Variants in LRRC4C observed in about 807,000 individuals in gnomAD.
LRRC4C encodes the protein leucine-rich repeat-containing protein 4C.
A neutral mutation model predicts 33.6 loss-of-function variants in LRRC4C; 5 were observed. That is an observed-to-expected ratio of 0.15 (90% confidence interval 0.08 to 0.31). The LOEUF is 0.31. Ranked by LOEUF, LRRC4C falls within the 10% of genes least tolerant of loss-of-function variation. The pLI is 1.00. For synonymous variants in LRRC4C, 329 were observed against 302.0 expected (o/e 1.09, Z -0.93); for missense variants, 560 against 796.7 (o/e 0.70, Z 3.58).
chr11:40,499,670 T>A (rs1954645359), intron 3 of LRRC4C, among the ~76,000 whole-genome samples: 1 of 152,208 alleles, frequency 6.6e-6, no homozygotes, highest in Admixed American at 6.5e-5. Flanking sequence ...ACTGAGATGA[T>A]AATCTCTAAA....
At chr11:40,325,579 G>A (rs562126864) in intron 3 of LRRC4C, among the ~76,000 whole-genome samples, 1 of 151,856 alleles carries the variant, frequency 6.6e-6, no homozygotes, top group South Asian at 2.1e-4. Context: ...AGTAAGCTTT[G>A]ATGATGCCAC....
intron 1 of LRRC4C, among the ~76,000 whole-genome samples, chr11:41,107,886 G>A (rs907416848): frequency 3.9e-5 from 6 of 152,106 alleles, no homozygotes; most frequent in African/African-American, 1.2e-4. Context: ...GCTGTGAGCC[G>A]AGATTGCACC....
intron 3 of LRRC4C, among the ~76,000 whole-genome samples, chr11:40,568,172 A>G (rs1464901832): frequency 1.3e-5 from 2 of 152,220 alleles, no homozygotes; most frequent in Admixed American, 1.3e-4. Flanking sequence ...TTTGCTAGCA[A>G]TGCTCTTGCT....
intron 3 of LRRC4C, among the ~76,000 whole-genome samples, chr11:40,546,801 G>C (rs1485736376): frequency 6.6e-6 from 1 of 152,050 alleles, no homozygotes; most frequent in Admixed American, 6.6e-5. Flanking sequence ...GATACTGTTA[G>C]CACCATTTTA....
intron 3 of LRRC4C, among the ~76,000 whole-genome samples, chr11:40,323,506 C>T (rs1021276392): frequency 5.9e-5 from 9 of 152,198 alleles, no homozygotes; most frequent in Middle Eastern, 6.8e-3. Flanking sequence ...CATTGCCAGC[C>T]GATTTTCAGA....
intron 3 of LRRC4C, among the ~76,000 whole-genome samples, chr11:40,327,706 C>T (rs1946166171): frequency 6.6e-6 from 1 of 151,924 alleles, no homozygotes; most frequent in Admixed American, 6.6e-5. Flanking sequence ...TTTATAACTT[C>T]TCTTCTGCTT....
At chr11:41,404,989 G>A (rs921630671) in intron 1 of LRRC4C, among the ~76,000 whole-genome samples, 15 of 152,074 alleles carry the variant, frequency 9.9e-5, no homozygotes, top group Admixed American at 2.0e-4. Context: ...TTTAGTATGC[G>A]ATATTTAAAT....
intron 3 of LRRC4C, among the ~76,000 whole-genome samples, chr11:40,644,835 G>A (rs1208517638): frequency 2.0e-5 from 3 of 152,200 alleles, no homozygotes; most frequent in Admixed American, 6.5e-5. Flanking sequence ...TAGAAATGAC[G>A]TGTATTTTGA....
chr11:41,104,541 G>A (rs1241847313), intron 1 of LRRC4C, among the ~76,000 whole-genome samples: 1 of 151,864 alleles, frequency 6.6e-6, no homozygotes, highest in Non-Finnish European at 1.5e-5. Context: ...AATCACATTG[G>A]CAAACAGTTC....
At chr11:40,396,225 T>G (rs1282608261) in intron 3 of LRRC4C, among the ~76,000 whole-genome samples, 1 of 152,128 alleles carries the variant, frequency 6.6e-6, no homozygotes, top group Non-Finnish European at 1.5e-5. Flanking sequence ...GAATTGTTTC[T>G]GTTTTTTATT....
intron 2 of LRRC4C, among the ~76,000 whole-genome samples, chr11:40,789,248 G>A (rs1051909636): frequency 4.0e-5 from 6 of 151,518 alleles, no homozygotes; most frequent in Non-Finnish European, 8.8e-5. Flanking sequence ...TGAGACGACT[G>A]AAAAAAAATC....
intron 5 of LRRC4C, among the ~76,000 whole-genome samples, chr11:40,171,522 A>T (rs993434606): frequency 6.6e-6 from 1 of 152,202 alleles, no homozygotes; most frequent in African/African-American, 2.4e-5. Context: ...AACACCCAAT[A>T]TTAGTAAAAA....
At chr11:41,371,747 C>G (rs986364620) in intron 1 of LRRC4C, among the ~76,000 whole-genome samples, 8 of 152,226 alleles carry the variant, frequency 5.3e-5, no homozygotes, top group Non-Finnish European at 1.2e-4. Flanking sequence ...CTCCTACCTA[C>G]TCCAGCCCTT....
intron 4 of LRRC4C, among the ~76,000 whole-genome samples, chr11:40,297,328 C>G (rs931374593): frequency 1.3e-5 from 2 of 152,118 alleles, no homozygotes; most frequent in Non-Finnish European, 2.9e-5. Context: ...AGAATATCCT[C>G]CGGGATAATC....
intron 3 of LRRC4C, among the ~76,000 whole-genome samples, chr11:40,473,538 G>A (rs375605175): frequency 1.3e-5 from 2 of 151,986 alleles, no homozygotes; most frequent in South Asian, 2.1e-4. Context: ...TTTGACAACC[G>A]GCACAAGACA....
At chr11:40,570,856 T>G in intron 3 of LRRC4C, among the ~76,000 whole-genome samples, 1 of 152,136 alleles carries the variant, frequency 6.6e-6, no homozygotes, top group East Asian at 1.9e-4. Context: ...TGTAATCAAA[T>G]ATTTGATTTA....
In LRRC4C at chr11:40,526,399, C is replaced by G. The variant is rs1312927224; in HGVS notation, c.-270+121743G>C. On this transcript the variant is annotated intron_variant, in intron 3 of 6. Coordinates refer to ENST00000528697, the MANE Select transcript of LRRC4C (RefSeq NM_001258419.2). ...ATTCATATGAAATTGCCAAAATCAC[C>G]ATAGATAAAATGAATAAAATACTTG... Among the ~76,000 whole-genome samples the G allele has an allele frequency of 2.0e-5, 3 of 151,860 alleles. No homozygotes were observed. The East Asian group carries it at 5.8e-4, about 29-fold the overall frequency.
At chr11:41,189,613 A>G (rs1945857256) in intron 1 of LRRC4C, among the ~76,000 whole-genome samples, 1 of 152,126 alleles carries the variant, frequency 6.6e-6, no homozygotes, top group Non-Finnish European at 1.5e-5. Flanking sequence ...AGACTAAAGG[A>G]AAGGTTTACT....
chr11:40,229,981 A>G (rs576218917), intron 5 of LRRC4C, among the ~76,000 whole-genome samples: 4 of 152,184 alleles, frequency 2.6e-5, no homozygotes, highest in Non-Finnish European at 5.9e-5. Flanking sequence ...CCAATGATGA[A>G]TCTCAGTGAA....
Sources: gnomAD v4.1 joint callset for allele counts (sites outside exome capture counted in the v4.1 genomes callset) on GRCh38, gnomAD v4.1.1 for gene constraint, MANE v1.5 for transcripts, NCBI Gene and HGNC (gene_info 2026-07-23, HGNC 2026-07-21) for gene names.